Variants in IGHMBP2 observed in about 807,000 individuals in gnomAD.
IGHMBP2 encodes the protein DNA-binding protein SMUBP-2.
A neutral mutation model predicts 96.0 loss-of-function variants in IGHMBP2; 81 were observed. That is an observed-to-expected ratio of 0.84 (90% CI 0.71 to 1.01). The LOEUF (loss-of-function observed/expected upper bound fraction) is 1.01, where lower values mean the gene tolerates loss of function less well. Among genes scored for constraint, IGHMBP2 ranks in the 50% least tolerant of loss-of-function variants. The pLI, the probability that IGHMBP2 is intolerant of heterozygous loss-of-function variation, is 0.00. For missense variants in IGHMBP2, 1,227 were observed against 1,306.3 expected, an observed-to-expected ratio of 0.94 and a Z score of 0.94; for synonymous variants, 557 against 548.9, an observed-to-expected ratio of 1.01 and a Z score of -0.21.
chr11:68,918,230 A>G (rs1432291774), intron 7 of IGHMBP2, among the ~76,000 whole-genome samples: 1 of 151,610 alleles, frequency 6.6e-6, no homozygotes, highest in Non-Finnish European at 1.5e-5. Context: ...ATCTGTCATG[A>G]TATAACCTGT....
At chr11:68,935,227 T>C in intron 11 of IGHMBP2, 72 bp from the exon 12 acceptor site, 2 of 1,592,662 alleles carry the variant, frequency 1.3e-6, no homozygotes, top group Non-Finnish European at 1.7e-6. Context: ...GGCCCTCTGC[T>C]GAGCTGAAGG....
rs2154008868 is a variant in IGHMBP2 at position 68,936,605 on chromosome 11, C to T, written c.2125C>T (p.Gln709Ter). 1 of 1,613,346 alleles carries T rather than the reference C, an allele frequency of 6.2e-7. No homozygotes were observed. The highest frequency in any genetic ancestry group is 8.5e-7 in the Non-Finnish European group (1 of 1,179,680). ...GKSLASEAPS[Q>*]PSLNGGSPEG... is the part of the protein sequence containing the mutation. ...GTCTCTGGCCTCTGAAGCTCCATCT[C>T]AGCCCAGCCTCAACGGAGGCAGCCC... Residue 709 changes from glutamine to a stop codon, truncating the protein, a stop_gained, in exon 13 of 15, where the codon CAG becomes TAG. Coordinates refer to ENST00000255078, the MANE Select transcript of IGHMBP2 (RefSeq NM_002180.3). LOFTEE classifies it high-confidence loss of function.
rs753639706 is a variant in IGHMBP2, at chr11:68,937,079, A to G, written c.2599A>G (p.Lys867Glu). The change falls in exon 13 of 15, where the codon AAA (lysine) becomes GAA (glutamate). Residue 867 changes from lysine (K) to glutamate (E), a missense_variant. Physicochemically the swap from Lys to Glu is moderately conservative, Grantham distance 56. Around this residue, in one of 3 missense-constraint regions of IGHMBP2, gnomAD observed 703 missense variants for 770.3 expected, o/e 0.91. Coordinates refer to ENST00000255078, the MANE Select transcript of IGHMBP2 (RefSeq NM_002180.3). ...GQQKLPEKKKKKAKGHPATDL... is the reference protein window; with the variant it reads ...GQQKLPEKKKEKAKGHPATDL... ...GCAGAAACTTCCAGAAAAGAAAAAG[A>G]AAAAAGCCAAAGGTAAGTCAACTAA... is the stretch of plus-strand genomic sequence containing the variant. The G allele has an allele frequency of 1.3e-6, 2 of 1,598,312 alleles. No individual in the cohort carries two copies. The highest frequency in any genetic ancestry group is 1.7e-6 in the Non-Finnish European group (2 of 1,179,830).
chr11:68,934,555 C>A lies in IGHMBP2; in HGVS notation c.1629C>A (p.Leu543=). The change falls in exon 11 of 15, where the codon CTC becomes CTA. Residue 543 remains leucine (L), a synonymous_variant. Transcript: ENST00000255078. ...RDIAVVSPYN[L]QVDLLRQSLV... ...TTGCTGTGGTCTCGCCATACAACCT[C>A]CAGGTACGAGGGTTTCCTTTTGTCC... 1 of 1,608,396 alleles carries A rather than the reference C, an allele frequency of 6.2e-7. No individual in the cohort carries two copies.
intron 6 of IGHMBP2, among the ~76,000 whole-genome samples, chr11:68,915,497 T>C (rs2154007301): frequency 6.6e-6 from 1 of 151,766 alleles, no homozygotes; most frequent in South Asian, 2.1e-4. Flanking sequence ...TTGTTTTTTT[T>C]TTTGAGATGG....
intron 13 of IGHMBP2, 151 bp from the exon 14 acceptor site, chr11:68,938,031 T>C: frequency 1.2e-6 from 1 of 801,606 alleles, no homozygotes; most frequent in Non-Finnish European, 2.2e-6. Context: ...TTTGAACTCC[T>C]GGCCGCAAGC....
chr11:68,915,201 C>T (rs1157778865), intron 6 of IGHMBP2, among the ~76,000 whole-genome samples, 178 bp downstream of exon 6: 1 of 41,722 alleles, frequency 2.4e-5, no homozygotes, highest in Non-Finnish European at 4.7e-5. Flanking sequence ...TTTTTTGTGA[C>T]AGAGTTTTGC....
At chr11:68,933,060 T>A (rs1410562069) in intron 8 of IGHMBP2, 8 of 578,040 alleles carry the variant, frequency 1.4e-5, no homozygotes, top group Admixed American at 3.0e-5. Context: ...ATCCTTAACT[T>A]CATCTCAGCT....
At chr11:68,931,025 C>T (rs753472376) in intron 8 of IGHMBP2, among the ~76,000 whole-genome samples, 5 of 152,284 alleles carry the variant, frequency 3.3e-5, no homozygotes, top group African/African-American at 4.8e-5. Context: ...GGAATAGGTA[C>T]CATGAGTCCT....
chr11:68,917,630 C>A, intron 6 of IGHMBP2, 106 bp from the exon 7 acceptor site: 1 of 918,882 alleles, frequency 1.1e-6, no homozygotes, highest in Non-Finnish European at 1.8e-6. Context: ...GTGTTTTTTA[C>A]GGAGTTTATT....
Position 68,906,059 on chromosome 11 carries a change from T to G in IGHMBP2, c.87-10T>G, listed in dbSNP as rs768186724. ...AAAATCCTGAAGCATCAATACCGGGTGTCTTCCAGGTCCTGGCAGGAGAAC... is the reference window on the plus strand; with the variant it reads ...AAAATCCTGAAGCATCAATACCGGGGGTCTTCCAGGTCCTGGCAGGAGAAC... On this transcript the variant is annotated splice_polypyrimidine_tract_variant and intron_variant, in intron 1 of 14. Coordinates refer to ENST00000255078, the MANE Select transcript of IGHMBP2 (RefSeq NM_002180.3). 1 of 1,613,646 alleles carries G rather than the reference T, an allele frequency of 6.2e-7. No homozygotes were observed. Among genetic ancestry groups the G allele is most frequent in the South Asian group, 1.1e-5 (1 of 91,056 alleles).
At chr11:68,939,439 G>A in intron 14 of IGHMBP2, 95 bp from the exon 15 acceptor site, 2 of 1,328,126 alleles carry the variant, frequency 1.5e-6, no homozygotes, top group Admixed American at 1.9e-5. Context: ...TCTCTGTTGG[G>A]GCGCCTGTGG....
chr11:68,930,504 A>G (rs1479214071), intron 8 of IGHMBP2: 2 of 1,269,708 alleles, frequency 1.6e-6, no homozygotes, highest in Admixed American at 4.8e-5. Context: ...GGAAATAAAG[A>G]TGGTGGAAGA....
Position 68,908,526 on chromosome 11 carries a change from C to T in IGHMBP2, c.450-8C>T. 1 of 1,610,844 alleles carries T rather than the reference C, an allele frequency of 6.2e-7. No individual in the cohort carries two copies. The highest frequency in any genetic ancestry group is 1.1e-5 in the South Asian group (1 of 91,006). ...AGGTGTTCTAATTTTAGTTTTCTCC[C>T]TTGGCAGAGCCCTGATTGCTCTAAA... On this transcript the variant is annotated splice_region_variant and splice_polypyrimidine_tract_variant and intron_variant, in intron 3 of 14. Coordinates refer to ENST00000255078, the MANE Select transcript of IGHMBP2 (RefSeq NM_002180.3).
intron 7 of IGHMBP2, among the ~76,000 whole-genome samples, chr11:68,923,935 T>C (rs913815746): frequency 6.6e-6 from 1 of 152,134 alleles, no homozygotes; most frequent in African/African-American, 2.4e-5. Flanking sequence ...CTCAGCCTTG[T>C]CTCCTCAACT....
chr11:68,906,379 A>G, intron 2 of IGHMBP2, 141 bp downstream of exon 2: 2 of 930,124 alleles, frequency 2.2e-6, no homozygotes, highest in Non-Finnish European at 3.4e-6. Context: ...AAGTCCAACA[A>G]TTGATGTGGG....
chr11:68,908,611 C>T lies in IGHMBP2; in HGVS notation c.527C>T (p.Pro176Leu). 6.2e-7 allele frequency: 1 copy of T among 1,611,614 alleles called. No individual in the cohort carries two copies. Reference protein sequence around the residue: ...LIEVLFGRSAPSPASEIHPLT... With the variant: ...LIEVLFGRSALSPASEIHPLT... ...GAAGTGCTCTTTGGCAGATCTGCTC[C>T]CAGTCCTGCCAGTGAAATACGTAAG... The change falls in exon 4 of 15, where the codon CCC becomes CTC. Residue 176 changes from proline (P) to leucine (L), a missense_variant. Around this residue, in one of 3 missense-constraint regions of IGHMBP2, gnomAD observed 507 missense variants for 496.9 expected, o/e 1.02. Coordinates refer to ENST00000255078, the MANE Select transcript of IGHMBP2 (RefSeq NM_002180.3).
chr11:68,924,795 A>C (rs1806686679), intron 7 of IGHMBP2, among the ~76,000 whole-genome samples: 1 of 152,212 alleles, frequency 6.6e-6, no homozygotes, highest in Non-Finnish European at 1.5e-5. Context: ...TTTGAGGGGA[A>C]GGGATTATGC....
In IGHMBP2 at chr11:68,938,302, A is replaced by G; in HGVS notation, c.2732A>G (p.Gln911Arg). 5 of 1,612,766 alleles carry G rather than the reference A, an allele frequency of 3.1e-6. No homozygotes were observed. Among genetic ancestry groups the G allele is most frequent in the Non-Finnish European group, 4.2e-6 (5 of 1,179,912 alleles). ...ACAGCCGGCGTCACAACCCTGGGCC[A>G]GTTCTGCCAGCTCTGCAGCCGCCGC... is the stretch of plus-strand genomic sequence containing the variant. Reference protein sequence around the residue: ...KCTAGVTTLGQFCQLCSRRYC... With the variant: ...KCTAGVTTLGRFCQLCSRRYC... Residue 911 changes from glutamine (Q) to arginine (R), a missense_variant, in exon 14 of 15, where the codon CAG becomes CGG. Physicochemically the swap from Gln to Arg is conservative, Grantham distance 43. Transcript: ENST00000255078.
Sources: allele counts gnomAD v4.1 joint callset (sites outside exome capture counted in the v4.1 genomes callset), GRCh38; gene constraint gnomAD v4.1.1; regional missense constraint gnomAD v4.1.1; transcripts MANE v1.5; gene names NCBI Gene and HGNC (gene_info 2026-07-23, HGNC 2026-07-21).